KCNT2: variants seen among roughly 807,000 people sequenced by gnomAD.
KCNT2 encodes the protein potassium channel subfamily T member 2.
In KCNT2, 67 loss-of-function variants were observed where a neutral mutation model predicts 153.8. That is an observed-to-expected ratio of 0.44 (90% CI 0.36 to 0.53). The LOEUF (loss-of-function observed/expected upper bound fraction) is 0.53. Ranked by LOEUF, KCNT2 falls within the 20% of genes least tolerant of loss-of-function variation. The pLI, the probability that KCNT2 is intolerant of heterozygous loss-of-function variation, is 0.00. For missense variants in KCNT2, 975 were observed against 1,354.8 expected, an observed-to-expected ratio of 0.72 and a Z score of 4.40; for synonymous variants, 500 against 458.8, an observed-to-expected ratio of 1.09 and a Z score of -1.15.
At chr1:196,326,544 T>G (rs1484027624) in intron 19 of KCNT2, among the ~76,000 whole-genome samples, 173 bp downstream of exon 19, 1 of 152,146 alleles carries the variant, frequency 6.6e-6, no homozygotes, top group Non-Finnish European at 1.5e-5. Context: ...AATATAATCA[T>G]ATTCAATGAT....
chr1:196,439,075 C>G (rs2148580449), intron 8 of KCNT2, among the ~76,000 whole-genome samples: 1 of 151,958 alleles, frequency 6.6e-6, no homozygotes, highest in African/African-American at 2.4e-5. Flanking sequence ...TTTTGCATAA[C>G]TGTGGTCAAT....
chr1:196,512,806 C>T (rs1201414903), intron 1 of KCNT2, among the ~76,000 whole-genome samples: 1 of 152,066 alleles, frequency 6.6e-6, no homozygotes. Flanking sequence ...ATCCATTTAT[C>T]AATCTACAAA....
chr1:196,235,539 G>C (rs931838089), intron 27 of KCNT2, among the ~76,000 whole-genome samples: 2 of 151,358 alleles, frequency 1.3e-5, no homozygotes, highest in African/African-American at 4.8e-5. Context: ...CTTTAGGTGA[G>C]TGCTACCACT....
chr1:196,292,620 C>T lies in KCNT2; in HGVS notation c.2596-6862G>A, dbSNP rs560908526. Among the ~76,000 whole-genome samples the T allele has an allele frequency of 3.3e-5, 5 of 152,128 alleles. No homozygotes were observed. The South Asian group carries it at 6.2e-4, about 19-fold the overall frequency. On this transcript the variant is annotated intron_variant, in intron 22 of 27. Coordinates refer to ENST00000294725, the MANE Select transcript of KCNT2 (RefSeq NM_198503.5). The stretch of plus-strand genomic sequence containing the variant: ...AGGAGATCGAGACCATCCTGGCTAA[C>T]GCGGTGAAACCCCGTCTCTACTGAA...
At chr1:196,605,406 C>A (rs1288142985) in intron 1 of KCNT2, among the ~76,000 whole-genome samples, 1 of 152,154 alleles carries the variant, frequency 6.6e-6, no homozygotes, top group Non-Finnish European at 1.5e-5. Context: ...CTTCAGAATT[C>A]TCCAAGCTAA....
intron 8 of KCNT2, among the ~76,000 whole-genome samples, chr1:196,432,112 T>C (rs538027069): frequency 7.4e-4 from 112 of 152,142 alleles, no homozygotes; most frequent in Non-Finnish European, 1.4e-3. Context: ...CAAGTGCTGG[T>C]CAAGCAGGTG....
intron 1 of KCNT2, among the ~76,000 whole-genome samples, chr1:196,534,492 A>G (rs1046888327): frequency 1.3e-5 from 2 of 152,184 alleles, no homozygotes; most frequent in Non-Finnish European, 2.9e-5. Context: ...AGAAATGCTT[A>G]TGTCTTGAAA....
At chr1:196,306,434 G>C (rs1354645345) in intron 21 of KCNT2, among the ~76,000 whole-genome samples, 1 of 152,008 alleles carries the variant, frequency 6.6e-6, no homozygotes, top group African/African-American at 2.4e-5. Context: ...TGCTTGATGT[G>C]GTACATGCTT....
chr1:196,375,043 C>G (rs1219143666), intron 13 of KCNT2, among the ~76,000 whole-genome samples: 1 of 151,644 alleles, frequency 6.6e-6, no homozygotes, highest in Non-Finnish European at 1.5e-5. Context: ...ATGTGTTATA[C>G]TTTGAAAATA....
intron 13 of KCNT2, among the ~76,000 whole-genome samples, chr1:196,395,081 T>C (rs933805307): frequency 1.3e-5 from 2 of 151,490 alleles, no homozygotes; most frequent in Middle Eastern, 3.4e-3. Flanking sequence ...TATTCTCTTT[T>C]AACATAATGA....
At chr1:196,463,285 T>C (rs1677313509) in intron 8 of KCNT2, among the ~76,000 whole-genome samples, 1 of 151,854 alleles carries the variant, frequency 6.6e-6, no homozygotes, top group Non-Finnish European at 1.5e-5. Context: ...ATTGTTTATA[T>C]GTTTCTTGGT....
intron 8 of KCNT2, among the ~76,000 whole-genome samples, chr1:196,455,351 T>A (rs1331483779): frequency 2.0e-5 from 3 of 152,034 alleles, no homozygotes; most frequent in South Asian, 2.1e-4. Context: ...AGGCAGTACA[T>A]AATTTATAAG....
intron 1 of KCNT2, among the ~76,000 whole-genome samples, chr1:196,501,130 G>A (rs1680665195): frequency 6.6e-6 from 1 of 152,168 alleles, no homozygotes; most frequent in African/African-American, 2.4e-5. Flanking sequence ...AATCTCTATG[G>A]TAAACAGTAT....
chr1:196,476,902 A>G (rs1235396700), intron 5 of KCNT2, among the ~76,000 whole-genome samples: 1 of 152,140 alleles, frequency 6.6e-6, no homozygotes, highest in East Asian at 1.9e-4. Flanking sequence ...GTATTCCATT[A>G]TAACTGACCT....
intron 12 of KCNT2, among the ~76,000 whole-genome samples, chr1:196,407,024 A>G (rs1449378894): frequency 6.6e-6 from 1 of 151,494 alleles, no homozygotes; most frequent in Non-Finnish European, 1.5e-5. Context: ...CTGAAAGCTG[A>G]AACACTGTAT....
At chr1:196,357,174 T>C (rs1161048718) in intron 14 of KCNT2, among the ~76,000 whole-genome samples, 2 of 151,910 alleles carry the variant, frequency 1.3e-5, no homozygotes, top group Non-Finnish European at 2.9e-5. Flanking sequence ...AGTCTATGAC[T>C]TCAGATTTAA....
intron 1 of KCNT2, among the ~76,000 whole-genome samples, chr1:196,517,148 C>A (rs1201246966): frequency 1.3e-5 from 2 of 152,176 alleles, no homozygotes; most frequent in Admixed American, 6.5e-5. Flanking sequence ...GAACAGAGCA[C>A]CCACCTCACA....
intron 1 of KCNT2, among the ~76,000 whole-genome samples, chr1:196,598,908 T>G (rs1367343440): frequency 6.6e-6 from 1 of 152,240 alleles, no homozygotes; most frequent in Non-Finnish European, 1.5e-5. Flanking sequence ...AATACTATAT[T>G]CAATATTATC....
intron 13 of KCNT2, among the ~76,000 whole-genome samples, chr1:196,376,162 AC>A (rs770268451): frequency 6.6e-6 from 1 of 151,894 alleles, no homozygotes; most frequent in African/African-American, 2.4e-5. Flanking sequence ...TATGGATTAT[AC>A]AATCAAATTC....
Sources: gnomAD v4.1 joint callset for allele counts (sites outside exome capture counted in the v4.1 genomes callset) on GRCh38, gnomAD v4.1.1 for gene constraint, MANE v1.5 for transcripts, NCBI Gene and HGNC (gene_info 2026-07-23, HGNC 2026-07-21) for gene names.